Variants in SEMA6D observed in about 807,000 individuals in gnomAD.
SEMA6D encodes the protein semaphorin-6D.
SEMA6D carries 35 observed loss-of-function variants against 106.6 expected under a neutral mutation model. That is an observed-to-expected ratio of 0.33 (90% CI 0.25 to 0.44). SEMA6D has a LOEUF of 0.44. SEMA6D is among the 20% of genes least tolerant of loss of function. The pLI is 1.00. For missense variants in SEMA6D, 1,185 were observed against 1,345.9 expected, an observed-to-expected ratio of 0.88 and a Z score of 1.87; for synonymous variants, 499 against 487.7, an observed-to-expected ratio of 1.02 and a Z score of -0.31.
At chr15:47,722,127 A>G (rs1376728259) in intron 1 of SEMA6D, among the ~76,000 whole-genome samples, 1 of 152,116 alleles carries the variant, frequency 6.6e-6, no homozygotes. Flanking sequence ...CCACCTTGCA[A>G]TGGTGTGTTC....
intron 3 of SEMA6D, among the ~76,000 whole-genome samples, chr15:47,480,899 CT>C (rs2043136878): frequency 6.6e-6 from 1 of 152,210 alleles, no homozygotes; most frequent in Admixed American, 6.5e-5. Context: ...GATATCACCT[CT>C]TCCAGAAAGC....
chr15:47,725,227 A>G (rs1300003750), intron 1 of SEMA6D, among the ~76,000 whole-genome samples: 2 of 152,210 alleles, frequency 1.3e-5, no homozygotes, highest in Non-Finnish European at 2.9e-5. Flanking sequence ...GCTATAGTGC[A>G]TGCTCATCAC....
intron 4 of SEMA6D, among the ~76,000 whole-genome samples, chr15:47,695,403 C>T (rs1427010587): frequency 6.6e-6 from 1 of 152,110 alleles, no homozygotes; most frequent in African/African-American, 2.4e-5. Context: ...TCTCAGCCAA[C>T]ACCAGCTGGA....
At chr15:47,690,652 C>A (rs2078566110) in intron 4 of SEMA6D, among the ~76,000 whole-genome samples, 1 of 152,148 alleles carries the variant, frequency 6.6e-6, no homozygotes, top group Non-Finnish European at 1.5e-5. Context: ...TCTGGCACTA[C>A]AAGGTAGTTC....
chr15:47,310,945 T>C (rs1280293030), intron 1 of SEMA6D, among the ~76,000 whole-genome samples: 1 of 152,230 alleles, frequency 6.6e-6, no homozygotes, highest in Non-Finnish European at 1.5e-5. Flanking sequence ...ATCAATTATA[T>C]ACTGCCTAAA....
At chr15:47,227,419 C>CTCTT (rs10652948) in intron 1 of SEMA6D, among the ~76,000 whole-genome samples, 1,482 of 115,414 alleles carry the variant, frequency 0.013, 34 homozygotes, top group Admixed American at 0.015. Context: ...TTCTTTCTTT[C>CTCTT]TCTTTCTTTC....
At chr15:47,333,217 A>G (rs2037413367) in intron 1 of SEMA6D, among the ~76,000 whole-genome samples, 1 of 152,188 alleles carries the variant, frequency 6.6e-6, no homozygotes, top group South Asian at 2.1e-4. Flanking sequence ...TATTCTGGCT[A>G]GATAAGTCAT....
At chr15:47,419,412 A>C (rs2140384463) in intron 2 of SEMA6D, among the ~76,000 whole-genome samples, 1 of 152,238 alleles carries the variant, frequency 6.6e-6, no homozygotes, top group East Asian at 1.9e-4. Context: ...TATTAGAGAA[A>C]GTGATAATGA....
At chr15:47,304,216 A>C (rs896043643) in intron 1 of SEMA6D, among the ~76,000 whole-genome samples, 5 of 151,986 alleles carry the variant, frequency 3.3e-5, no homozygotes, top group Admixed American at 6.6e-5. Context: ...TAATCCCAGC[A>C]CTTTGGGAGG....
At chr15:47,336,001 G>T (rs1284312931) in intron 1 of SEMA6D, among the ~76,000 whole-genome samples, 1 of 152,162 alleles carries the variant, frequency 6.6e-6, no homozygotes, top group African/African-American at 2.4e-5. Context: ...ATTACAAAGA[G>T]AAATCTGATC....
At chr15:47,187,249 G>C (rs1259646343) in intron 1 of SEMA6D, among the ~76,000 whole-genome samples, 1 of 152,058 alleles carries the variant, frequency 6.6e-6, no homozygotes, top group East Asian at 1.9e-4. Context: ...ACCTTATTAA[G>C]AGATCTGAGA....
intron 1 of SEMA6D, among the ~76,000 whole-genome samples, chr15:47,382,523 G>A (rs1193356594): frequency 1.3e-5 from 2 of 152,002 alleles, no homozygotes; most frequent in Non-Finnish European, 2.9e-5. Context: ...AAAAAAAAAG[G>A]GACCACAAAG....
intron 4 of SEMA6D, chr15:47,606,155 A>T (rs2076777698): frequency 6.6e-6 from 1 of 152,172 alleles, no homozygotes; most frequent in Non-Finnish European, 1.5e-5. Context: ...GATTTAATTT[A>T]CATAGTAGCA....
intron 4 of SEMA6D, among the ~76,000 whole-genome samples, chr15:47,644,994 G>A (rs2077554525): frequency 6.6e-6 from 1 of 152,122 alleles, no homozygotes; most frequent in Non-Finnish European, 1.5e-5. Context: ...TGATCTGTGT[G>A]TCTCTAAAAG....
intron 3 of SEMA6D, among the ~76,000 whole-genome samples, chr15:47,555,693 G>A (rs1472228247): frequency 6.6e-6 from 1 of 152,052 alleles, no homozygotes; most frequent in Non-Finnish European, 1.5e-5. Context: ...TTTCTAATAA[G>A]CCCCCCAAAG....
At chr15:47,376,564 CA>C (rs1433323628) in intron 1 of SEMA6D, among the ~76,000 whole-genome samples, 1 of 151,830 alleles carries the variant, frequency 6.6e-6, no homozygotes, top group Non-Finnish European at 1.5e-5. Flanking sequence ...GTGAGAAAAC[CA>C]AAATGCTATT....
At chr15:47,603,545 A>C (rs187073025) in intron 4 of SEMA6D, 1 of 152,236 alleles carries the variant, frequency 6.6e-6, no homozygotes, top group African/African-American at 2.4e-5. Context: ...GCTGAGTCCA[A>C]GTTCCTCATC....
Position 47,293,278 on chromosome 15 carries a change from T to A in SEMA6D, c.-239+108860T>A, listed in dbSNP as rs140382823. 3.9e-5 allele frequency among the ~76,000 whole-genome samples: 6 copies of A among 152,286 alleles called. No homozygotes were observed. In the East Asian group the frequency reaches 1.2e-3, roughly 29 times the overall value. ...GCTTCCACTGGAGAGAGCATCCTGC[T>A]CCAGTGTAGCTTTTCACTGTTTCCC... On this transcript the variant is annotated intron_variant, in intron 1 of 19. Coordinates refer to the SEMA6D transcript ENST00000558014.
intron 1 of SEMA6D, among the ~76,000 whole-genome samples, chr15:47,325,731 C>T (rs907295894): frequency 6.6e-6 from 1 of 152,116 alleles, no homozygotes; most frequent in Admixed American, 6.5e-5. Flanking sequence ...ATACTGTTTT[C>T]CTCCTTGCAT....
Sources: gnomAD v4.1 joint callset for allele counts (sites outside exome capture counted in the v4.1 genomes callset) on GRCh38, gnomAD v4.1.1 for gene constraint, MANE v1.5 for transcripts, NCBI Gene and HGNC (gene_info 2026-07-23, HGNC 2026-07-21) for gene names.